The following SPIB variants were observed in gnomAD, a reference collection of about 807,000 sequenced individuals.
The protein encoded by SPIB is Spi-B transcription factor, also known as transcription factor Spi-B.
SPIB carries 7 observed loss-of-function variants against 31.9 expected under a neutral mutation model. The observed-to-expected ratio is 0.22, with a 90% CI of 0.12 to 0.41. The LOEUF is 0.41. Ranked by LOEUF, SPIB falls within the 10% of genes least tolerant of loss-of-function variation. The pLI, the probability that SPIB is intolerant of heterozygous loss-of-function variation, is 1.00. For synonymous variants in SPIB, 176 were observed against 158.9 expected, an observed-to-expected ratio of 1.11 and a Z score of -0.81; for missense variants, 327 against 360.2, an observed-to-expected ratio of 0.91 and a Z score of 0.75.
In SPIB at chr19:50,430,767, C is replaced by T. The variant is rs1295779; in HGVS notation, c.*2431C>T. 3,387 of 152,404 alleles carry T rather than the reference C, an allele frequency of 0.022. 137 individuals are homozygous for T. The highest frequency in any genetic ancestry group is 0.075 in the African/African-American group (3,113 of 41,458). The allele number at this position is 152,404 out of a possible 1,614,324, so 9.4% of individuals were successfully genotyped here. Reference sequence around the variant, plus strand: ...CAAAAAAAAAAAACTGTTGCAGCCCCGTTGAGCCTTTGACACCGCCTGAAA... The same window carrying T: ...CAAAAAAAAAAAACTGTTGCAGCCCTGTTGAGCCTTTGACACCGCCTGAAA... On this transcript the variant is annotated 3_prime_UTR_variant, in exon 6 of 6. Transcript: ENST00000595883.
intron 2 of SPIB, 105 bp downstream of exon 2, chr19:50,420,078 A>G (rs1399735748): frequency 9.3e-7 from 1 of 1,071,562 alleles, no homozygotes; most frequent in African/African-American, 1.7e-5. Context: ...TCTTCCTGTC[A>G]CTTTGTTTCT....
chr19:50,425,820 G>A (rs553134077), intron 5 of SPIB, among the ~76,000 whole-genome samples: 12 of 152,312 alleles, frequency 7.9e-5, no homozygotes, highest in African/African-American at 2.4e-4. Context: ...AGGTCAGGGA[G>A]CGCAGGCAGG....
chr19:50,420,306 T>C (rs1420969736), intron 2 of SPIB, among the ~76,000 whole-genome samples: 1 of 152,196 alleles, frequency 6.6e-6, no homozygotes, highest in African/African-American at 2.4e-5. Flanking sequence ...CCCAACACCC[T>C]TGAACCCACA....
intron 2 of SPIB, among the ~76,000 whole-genome samples, chr19:50,420,867 A>T (rs2039486160): frequency 1.3e-5 from 2 of 152,176 alleles, no homozygotes; most frequent in Non-Finnish European, 2.9e-5. Flanking sequence ...AGCTCAAGTG[A>T]TCCTCCCACC....
rs1234390782 is a variant in SPIB, at chr19:50,428,267, C to A, written c.720C>A (p.Ile240=). The change falls in exon 6 of 6, where the codon ATC becomes ATA. Residue 240 remains isoleucine (I), a synonymous_variant. Transcript: ENST00000595883. This position sits in a 1 kb window ranked among gnomAD's most constrained non-coding sequence, Gnocchi z 6.5. ...GAAACTACGCCAAGACCGGCGAGATCCGCAAGGTCAAGCGCAAGCTCACCT... is the reference window on the plus strand; with the variant it reads ...GAAACTACGCCAAGACCGGCGAGATACGCAAGGTCAAGCGCAAGCTCACCT... ...ALRNYAKTGE[I]RKVKRKLTYQ... The A allele has an allele frequency of 2.6e-6, 4 of 1,552,740 alleles. No individual in the cohort carries two copies.
At chr19:50,422,283 C>A (rs780077398) in intron 2 of SPIB, among the ~76,000 whole-genome samples, 190 bp from the exon 3 acceptor site, 1 of 152,168 alleles carries the variant, frequency 6.6e-6, no homozygotes, top group Admixed American at 6.5e-5. Context: ...TGTGTCTCTA[C>A]TCTCTGTATC....
intron 5 of SPIB, 42 bp downstream of exon 5, chr19:50,423,797 A>G (rs1454169819): frequency 6.4e-7 from 1 of 1,553,114 alleles, no homozygotes; most frequent in Admixed American, 1.9e-5. Context: ...CCAGCTGGAG[A>G]TGGTGGGGGG....
At chr19:50,421,407 C>T (rs1017545410) in intron 2 of SPIB, among the ~76,000 whole-genome samples, 1 of 152,194 alleles carries the variant, frequency 6.6e-6, no homozygotes, top group Admixed American at 6.5e-5. Context: ...ACTGCAACCT[C>T]AGCCTCCTGG....
intron 5 of SPIB, among the ~76,000 whole-genome samples, chr19:50,424,996 A>T (rs1054167946): frequency 5.1e-4 from 77 of 151,758 alleles, no homozygotes; most frequent in African/African-American, 1.6e-3. Flanking sequence ...CATTTAAAAA[A>T]TTTTAATTAA....
chr19:50,423,144 C>G (rs1467445383), intron 4 of SPIB, 107 bp downstream of exon 4: 3 of 574,374 alleles, frequency 5.2e-6, no homozygotes, highest in Non-Finnish European at 9.0e-6. Flanking sequence ...ATTGCTTGAG[C>G]CCAGAAGGTC....
At chr19:50,422,005 C>T (rs939158011) in intron 2 of SPIB, among the ~76,000 whole-genome samples, 2 of 152,258 alleles carry the variant, frequency 1.3e-5, no homozygotes, top group African/African-American at 4.8e-5. Context: ...CCGCCTCGGC[C>T]CCCCAAAGTG....
At chr19:50,427,948 G>A (rs1217662512) in intron 5 of SPIB, 90 bp from the exon 6 acceptor site, 12 of 1,390,504 alleles carry the variant, frequency 8.6e-6, no homozygotes, top group Non-Finnish European at 1.0e-5. Context: ...AGGAGATGGA[G>A]GCCGGGGTGG....
In SPIB at chr19:50,423,036, A is replaced by T. The variant is rs1261613513; in HGVS notation, c.338A>T (p.Gln113Leu). ...PAYPTENFASQTLVPPAYAPY... is the reference protein window; with the variant it reads ...PAYPTENFASLTLVPPAYAPY... Reference sequence around the variant, plus strand: ...TACCCCACGGAGAACTTCGCTAGCCAGGTGAGTGGTAAGGGGACAGTTAAA... The same window carrying T: ...TACCCCACGGAGAACTTCGCTAGCCTGGTGAGTGGTAAGGGGACAGTTAAA... The change falls in exon 4 of 6, where the codon CAG (glutamine) becomes CTG (leucine). Residue 113 changes from glutamine (Q) to leucine (L), a missense_variant and splice_region_variant. Around this residue, in one of 4 missense-constraint regions of SPIB, gnomAD observed 238 missense variants for 228.8 expected, o/e 1.04. Transcript: ENST00000595883. 1 of 1,408,272 alleles carries T rather than the reference A, an allele frequency of 7.1e-7. No individual in the cohort carries two copies. The highest frequency in any genetic ancestry group is 9.7e-7 in the Non-Finnish European group (1 of 1,035,662). 87.2% of individuals were successfully genotyped at this position (1,408,272 alleles called of 1,614,324 possible).
At chr19:50,427,869 C>T (rs976051473) in intron 5 of SPIB, among the ~76,000 whole-genome samples, 169 bp from the exon 6 acceptor site, 2 of 139,368 alleles carry the variant, frequency 1.4e-5, no homozygotes, top group South Asian at 2.4e-4. Context: ...CCCCCCCCCC[C>T]CCCCGTGGTG....
At chr19:50,427,847 G>T (rs2039584782) in intron 5 of SPIB, among the ~76,000 whole-genome samples, 191 bp from the exon 6 acceptor site, 1 of 143,460 alleles carries the variant, frequency 7.0e-6, no homozygotes, top group Admixed American at 7.4e-5. Flanking sequence ...TTCGGGCAGG[G>T]GGAGTGGCTT....
chr19:50,427,845 G>A (rs372481280), intron 5 of SPIB, among the ~76,000 whole-genome samples, 193 bp from the exon 6 acceptor site: 36 of 143,670 alleles, frequency 2.5e-4, no homozygotes, highest in African/African-American at 8.3e-4. Flanking sequence ...GCTTCGGGCA[G>A]GGGGAGTGGC....
At position 50,428,925 on chromosome 19, in the gene SPIB, CTG is replaced by C. The variant is rs2039604848; in HGVS notation, c.*590_*591del. ...CTCATTTTTGAGATCCCCCAATTCTCTGGAACTATTCTGCTGCCCCTTTTTAT... is the reference window on the plus strand; with the variant it reads ...CTCATTTTTGAGATCCCCCAATTCTCGAACTATTCTGCTGCCCCTTTTTAT... On this transcript the variant is annotated 3_prime_UTR_variant, in exon 6 of 6. Transcript: ENST00000595883. This position sits in a 1 kb window ranked among gnomAD's most constrained non-coding sequence, Gnocchi z 6.5. 6.6e-6 allele frequency: 1 copy of C among 152,496 alleles called. No homozygotes were observed. Among genetic ancestry groups the C allele is most frequent in the East Asian group, 1.9e-4 (1 of 5,198 alleles). 9.4% of individuals were successfully genotyped at this position (152,496 alleles called of 1,614,324 possible). A position where few individuals can be genotyped will look rare whatever the true frequency, so the allele number is the denominator to read the frequency against.
intron 1 of SPIB, 124 bp from the exon 2 acceptor site, chr19:50,419,822 C>T (rs1450783743): frequency 2.1e-6 from 2 of 959,076 alleles, no homozygotes; most frequent in East Asian, 6.5e-5. Context: ...TGTGGTGGGG[C>T]TGGTCCCTCA....
intron 5 of SPIB, among the ~76,000 whole-genome samples, chr19:50,426,018 A>G (rs961082390): frequency 6.6e-6 from 1 of 152,014 alleles, no homozygotes; most frequent in Non-Finnish European, 1.5e-5. Context: ...AGACCAGCCT[A>G]GCCAACATGG....
Sources: allele counts gnomAD v4.1 joint callset (sites outside exome capture counted in the v4.1 genomes callset), GRCh38; gene constraint gnomAD v4.1.1; regional missense constraint gnomAD v4.1.1; non-coding constraint Gnocchi (gnomAD v3.1); transcripts MANE v1.5; gene names NCBI Gene and HGNC (gene_info 2026-07-23, HGNC 2026-07-21).